WHAMM: variants seen among roughly 807,000 people sequenced by gnomAD.
WHAMM encodes the protein WASP homolog-associated protein with actin, membranes and microtubules.
A neutral mutation model predicts 76.5 loss-of-function variants in WHAMM; 67 were observed. The ratio of observed to expected loss-of-function variants is 0.88; its 90% confidence interval spans 0.72 to 1.07. The LOEUF is 1.07. Among genes scored for constraint, WHAMM ranks in the 50% least tolerant of loss-of-function variants. The pLI, the probability that WHAMM is intolerant of heterozygous loss-of-function variation, is 0.00. For synonymous variants in WHAMM, 419 were observed against 422.1 expected (o/e 0.99, Z 0.09); for missense variants, 1,021 against 1,051.1 (o/e 0.97, Z 0.40).
chr15:82,815,214 T>G (rs1225840264), intron 2 of WHAMM, among the ~76,000 whole-genome samples: 2 of 145,832 alleles, frequency 1.4e-5, no homozygotes, highest in Non-Finnish European at 3.0e-5. Flanking sequence ...ACTGTGTAAT[T>G]TCAGGACATT....
Position 82,830,892 on chromosome 15 carries a change from A to T in WHAMM, c.1935A>T (p.Pro645=), listed in dbSNP as rs376881921. The T allele has an allele frequency of 2.6e-6, 4 of 1,556,374 alleles. No individual in the cohort carries two copies. The highest frequency in any genetic ancestry group is 3.5e-6 in the Non-Finnish European group (4 of 1,147,890). ...CACTGCCACCACCTCCTCCTCCTCC[A>T]CCACCACCACCGCCGCCACCGCCGC... is the stretch of plus-strand genomic sequence containing the variant. ...ELSLPPPPPP[P]PPPPPPPPPP... The change falls in exon 9 of 10, where the codon CCA becomes CCT. Residue 645 remains proline (P), a synonymous_variant. Coordinates refer to ENST00000286760, the MANE Select transcript of WHAMM (RefSeq NM_001080435.3).
intron 5 of WHAMM, among the ~76,000 whole-genome samples, chr15:82,820,896 C>CAAAAAAAA (rs60974626): frequency 5.1e-4 from 61 of 119,574 alleles, no homozygotes; most frequent in African/African-American, 1.1e-3. Context: ...GACTCTGTCT[C>CAAAAAAAA]AAAAAAAAAA....
chr15:82,811,424 G>T (rs954203821), intron 1 of WHAMM, among the ~76,000 whole-genome samples: 2 of 152,134 alleles, frequency 1.3e-5, no homozygotes, highest in African/African-American at 4.8e-5. Context: ...GAGATAGGTG[G>T]TTTCTCCTTA....
intron 2 of WHAMM, among the ~76,000 whole-genome samples, chr15:82,815,356 C>T (rs1255821961): frequency 2.0e-5 from 3 of 151,826 alleles, no homozygotes; most frequent in African/African-American, 7.3e-5. Flanking sequence ...GGTCCTTTCA[C>T]TCAGCACAAT....
In WHAMM at chr15:82,816,695, T is replaced by G. The variant is rs1024870944; in HGVS notation, c.787T>G (p.Ser263Ala). The G allele has an allele frequency of 1.9e-6, 3 of 1,549,766 alleles. No homozygotes were observed. The highest frequency in any genetic ancestry group is 2.6e-6 in the Non-Finnish European group (3 of 1,147,012). Reference sequence around the variant, plus strand: ...AAATTTTCCCTTCTGTCTGTAGAAGTCTTTGGATGAGGATGACCTAGGTCC... The same window carrying G: ...AAATTTTCCCTTCTGTCTGTAGAAGGCTTTGGATGAGGATGACCTAGGTCC... ...ATLCKLDILKSLDEDDLGPRR... is the reference protein window; with the variant it reads ...ATLCKLDILKALDEDDLGPRR... The change falls in exon 3 of 10, where the codon TCT becomes GCT. Residue 263 changes from serine to alanine, a missense_variant. Ser to Ala is a moderately conservative substitution (Grantham distance 99). Around this residue, in one of 3 missense-constraint regions of WHAMM, gnomAD observed 501 missense variants for 524.9 expected, o/e 0.95. Coordinates refer to ENST00000286760, the MANE Select transcript of WHAMM (RefSeq NM_001080435.3).
intron 5 of WHAMM, 36 bp downstream of exon 5, chr15:82,819,524 TA>T: frequency 1.9e-6 from 2 of 1,074,038 alleles, no homozygotes; most frequent in Non-Finnish European, 2.5e-6. Context: ...ATGTTTAAAT[TA>T]TAAATTTAAG....
chr15:82,834,576 A>T lies in WHAMM; in HGVS notation c.*1040A>T, dbSNP rs2051100798. ...CTACTGACTGTGGCCTTCTGTGCAT[A>T]TGGAATAATGATTTCTCAGATTTGT... On this transcript the variant is annotated 3_prime_UTR_variant, in exon 10 of 10. Transcript: ENST00000286760. The T allele has an allele frequency of 1.3e-5, 2 of 152,676 alleles. No homozygotes were observed. Among genetic ancestry groups the T allele is most frequent in the Non-Finnish European group, 2.9e-5 (2 of 68,038 alleles). 9.5% of individuals were successfully genotyped at this position (152,676 alleles called of 1,614,324 possible).
At chr15:82,814,001 G>C (rs1346279598) in intron 2 of WHAMM, among the ~76,000 whole-genome samples, 1 of 151,986 alleles carries the variant, frequency 6.6e-6, no homozygotes, top group African/African-American at 2.4e-5. Context: ...GCTTCAGCTT[G>C]TTTTCCTCTA....
At chr15:82,823,378 C>T in intron 6 of WHAMM, 91 bp downstream of exon 6, 1 of 1,136,596 alleles carries the variant, frequency 8.8e-7, no homozygotes, top group Non-Finnish European at 1.1e-6. Context: ...AGGTTTTTAC[C>T]AACACAGTGA....
intron 6 of WHAMM, among the ~76,000 whole-genome samples, chr15:82,824,161 CCTT>C (rs2050888312): frequency 1.3e-5 from 1 of 78,816 alleles, no homozygotes; most frequent in African/African-American, 4.2e-5. Context: ...ATACTTTTCT[CCTT>C]TTTTTTTTTT....
Position 82,809,653 on chromosome 15 carries a change from C to T in WHAMM, c.-74C>T. On this transcript the variant is annotated 5_prime_UTR_variant, in exon 1 of 10. Transcript: ENST00000286760. ...CTAGCGAAAAATGATTTGGCTCGGA[C>T]TGTCCCGTGACAGGCGGTGCGAGGA... 2 of 1,233,980 alleles carry T rather than the reference C, an allele frequency of 1.6e-6. No homozygotes were observed. The highest frequency in any genetic ancestry group is 3.1e-5 in the East Asian group (1 of 32,414). 76.4% of individuals were successfully genotyped at this position (1,233,980 alleles called of 1,614,324 possible). A position where few individuals can be genotyped will look rare whatever the true frequency, so the allele number is the denominator to read the frequency against.
intron 6 of WHAMM, among the ~76,000 whole-genome samples, chr15:82,825,235 A>G (rs2050910554): frequency 6.6e-6 from 1 of 152,242 alleles, no homozygotes; most frequent in Non-Finnish European, 1.5e-5. Context: ...GGATTTGAAG[A>G]TATACAGGCA....
chr15:82,824,293 G>A (rs949035777), intron 6 of WHAMM, among the ~76,000 whole-genome samples: 1 of 150,644 alleles, frequency 6.6e-6, no homozygotes, highest in African/African-American at 2.4e-5. Flanking sequence ...GTGTAGCTGG[G>A]ATTACAGGTG....
At chr15:82,812,183 A>G (rs1276263856) in intron 1 of WHAMM, among the ~76,000 whole-genome samples, 1 of 152,178 alleles carries the variant, frequency 6.6e-6, no homozygotes, top group Non-Finnish European at 1.5e-5. Context: ...GAGAATCAAC[A>G]TGCTGAAGTA....
chr15:82,818,699 C>T (rs1381255123), intron 4 of WHAMM, among the ~76,000 whole-genome samples: 1 of 152,218 alleles, frequency 6.6e-6, no homozygotes, highest in African/African-American at 2.4e-5. Context: ...AAACACCTGT[C>T]TTAGTTGGCT....
chr15:82,830,951 CCT>C lies in WHAMM; in HGVS notation c.1998_1999del (p.Gln667SerfsTer16), dbSNP rs762013322. On this transcript the variant is annotated frameshift_variant, in exon 9 of 10. Transcript: ENST00000286760. LOFTEE classifies it high-confidence loss of function. ...CCTCCTCTCCGTGCTCTGTCCTCAT[CCT>C]CTCAAGCTGCAACTCATCAGAACTT... The C allele has an allele frequency of 2.5e-5, 34 of 1,356,834 alleles. No homozygotes were observed. The South Asian group carries it at 3.9e-4, about 16-fold the overall frequency. The allele number at this position is 1,356,834 out of a possible 1,614,324, so 84.0% of individuals were successfully genotyped here.
intron 8 of WHAMM, among the ~76,000 whole-genome samples, chr15:82,830,330 G>A (rs62011706): frequency 0.13 from 19,719 of 151,492 alleles, 1,435 homozygotes; most frequent in Admixed American, 0.17. Context: ...ACTAAAAGTT[G>A]ATGACTATTT....
Position 82,818,071 on chromosome 15 carries a change from A to G in WHAMM, c.1086A>G (p.Arg362=), listed in dbSNP as rs1170291363. The change falls in exon 4 of 10, where the codon AGA becomes AGG. Residue 362 remains arginine, a synonymous_variant. Transcript: ENST00000286760. Reference sequence around the variant, plus strand: ...AAGAGTTGTGTTTAAATCACAAAAGAGCTGAAATTCAGGGAAAGGTAAGAC... The same window carrying G: ...AAGAGTTGTGTTTAAATCACAAAAGGGCTGAAATTCAGGGAAAGGTAAGAC... ...RAKELCLNHK[R]AEIQGKMEDL... 6.4e-7 allele frequency: 1 copy of G among 1,550,654 alleles called. No homozygotes were observed. Among genetic ancestry groups the G allele is most frequent in the Admixed American group, 1.9e-5 (1 of 51,576 alleles).
intron 7 of WHAMM, 119 bp downstream of exon 7, chr15:82,826,615 G>A (rs570124850): frequency 1.0e-5 from 16 of 1,583,622 alleles, no homozygotes; most frequent in Non-Finnish European, 1.4e-5. Context: ...TAGCCTCCAG[G>A]TCTGCAGCCT....
Sources: gnomAD v4.1 joint callset for allele counts (sites outside exome capture counted in the v4.1 genomes callset) on GRCh38, gnomAD v4.1.1 for gene constraint, gnomAD v4.1.1 regional missense constraint, MANE v1.5 for transcripts, NCBI Gene and HGNC (gene_info 2026-07-23, HGNC 2026-07-21) for gene names.